AXIN1: variants seen among roughly 807,000 people sequenced by gnomAD.
The protein encoded by AXIN1 is axin-1.
A neutral mutation model predicts 76.4 loss-of-function variants in AXIN1; 30 were observed. The observed-to-expected ratio is 0.39, with a 90% CI of 0.29 to 0.53. AXIN1 has a LOEUF of 0.53. AXIN1 is among the 20% of genes least tolerant of loss of function. The probability of loss-of-function intolerance (pLI) is 0.66; values close to 1 mark genes in which losing one functional copy is unlikely to be tolerated. For missense variants in AXIN1, 1,140 were observed against 1,198.8 expected, an observed-to-expected ratio of 0.95 and a Z score of 0.72; for synonymous variants, 545 against 501.4, an observed-to-expected ratio of 1.09 and a Z score of -1.16.
At chr16:338,106 C>A (rs2053844027) in intron 2 of AXIN1, among the ~76,000 whole-genome samples, 1 of 152,216 alleles carries the variant, frequency 6.6e-6, no homozygotes, top group Non-Finnish European at 1.5e-5. Flanking sequence ...TCCCTGACAG[C>A]CACCATAGCC....
At chr16:324,820 C>T (rs1303946684) in intron 2 of AXIN1, among the ~76,000 whole-genome samples, 1 of 152,214 alleles carries the variant, frequency 6.6e-6, no homozygotes, top group Non-Finnish European at 1.5e-5. Flanking sequence ...CAGCTTCCGG[C>T]AGCCGCAGGC....
At chr16:337,804 T>C (rs1022577137) in intron 2 of AXIN1, among the ~76,000 whole-genome samples, 6 of 152,200 alleles carry the variant, frequency 3.9e-5, no homozygotes, top group Non-Finnish European at 7.3e-5. Flanking sequence ...AGAAGGGGCA[T>C]GGAATCTGGG....
At chr16:298,357 G>T in intron 5 of AXIN1, 106 bp from the exon 6 acceptor site, 1 of 1,482,126 alleles carries the variant, frequency 6.7e-7, no homozygotes, top group Non-Finnish European at 9.1e-7. Flanking sequence ...TGCCGTCCCA[G>T]CCCAGGGTGG....
At chr16:339,464 T>C (rs1342273977) in intron 2 of AXIN1, among the ~76,000 whole-genome samples, 3 of 148,692 alleles carry the variant, frequency 2.0e-5, no homozygotes, top group Non-Finnish European at 4.4e-5. Flanking sequence ...TGAGCCAAGA[T>C]TGTGCCACTG....
intron 2 of AXIN1, among the ~76,000 whole-genome samples, chr16:341,057 C>T (rs2053908043): frequency 2.6e-5 from 4 of 152,248 alleles, no homozygotes; most frequent in Admixed American, 2.0e-4. Flanking sequence ...CCTCCTGGCA[C>T]GTTCCTCCAC....
chr16:291,611 G>A (rs964070910), intron 8 of AXIN1: 1 of 462,206 alleles, frequency 2.2e-6, no homozygotes, highest in Non-Finnish European at 4.0e-6. Flanking sequence ...CTGGTGGGAT[G>A]ACATCTCGTC....
chr16:292,301 G>A (rs1422342750), intron 8 of AXIN1: 1 of 152,314 alleles, frequency 6.6e-6, no homozygotes, highest in Non-Finnish European at 1.5e-5. Flanking sequence ...CGATCACAGG[G>A]TCACAGATGT....
chr16:310,525 T>C (rs1221864007), intron 3 of AXIN1, among the ~76,000 whole-genome samples: 3 of 152,136 alleles, frequency 2.0e-5, no homozygotes, highest in African/African-American at 4.8e-5. Context: ...GCCTCCTGAG[T>C]AGCTGGGACT....
At chr16:333,726 C>G (rs919623333) in intron 2 of AXIN1, among the ~76,000 whole-genome samples, 1 of 152,006 alleles carries the variant, frequency 6.6e-6, no homozygotes, top group African/African-American at 2.4e-5. Flanking sequence ...AAATTCTAAA[C>G]CCAACTCATC....
At position 291,250 on chromosome 16, in the gene AXIN1, G is replaced by A. The variant is rs371459615; in HGVS notation, c.2234C>T (p.Ala745Val). ...TACCACGTGCAGCACCGGCGCGCAC[G>A]CTGGCCTGACGCAGGCGCGTCCCCG... ...MRRGRACVRPACAPVLHVVPA... is the reference protein window; with the variant it reads ...MRRGRACVRPVCAPVLHVVPA... The change falls in exon 9 of 11, where the codon GCG (alanine) becomes GTG (valine). Residue 745 changes from alanine to valine, a missense_variant. Transcript: ENST00000262320. 199 of 1,585,914 alleles carry A rather than the reference G, an allele frequency of 1.3e-4. No homozygotes were observed. Among genetic ancestry groups the A allele is most frequent in the Non-Finnish European group, 1.6e-4 (188 of 1,167,304 alleles).
At chr16:326,372 AATATATAT>A (rs67811547) in intron 2 of AXIN1, among the ~76,000 whole-genome samples, 50 of 86,468 alleles carry the variant, frequency 5.8e-4, no homozygotes, top group East Asian at 1.8e-3. Context: ...AAAAAAAAAA[AATATATAT>A]ATATATATAT....
rs949799281 is a variant in AXIN1, at chr16:291,392, G to A, written c.2187-95C>T. The A allele has an allele frequency of 3.7e-6, 4 of 1,092,684 alleles. No homozygotes were observed. The African/African-American group carries it at 6.2e-5, about 17-fold the overall frequency. 67.7% of individuals were successfully genotyped at this position (1,092,684 alleles called of 1,614,324 possible). A position where few individuals can be genotyped will look rare whatever the true frequency, so the allele number is the denominator to read the frequency against. On this transcript the variant is annotated intron_variant, in intron 8 of 10. Transcript: ENST00000262320. ...ATGCTGCTGCGCAGGGACGGACGGA[G>A]CGTGAAGGGCCCGAACAACCCACCC...
chr16:330,872 CA>C (rs2053678191), intron 2 of AXIN1, among the ~76,000 whole-genome samples: 1 of 152,222 alleles, frequency 6.6e-6, no homozygotes, highest in South Asian at 2.1e-4. Flanking sequence ...TATGCTGCAA[CA>C]AACATTTGGA....
Position 309,941 on chromosome 16 carries a change from G to A in AXIN1, c.1116+32C>T, listed in dbSNP as rs755376498. The A allele has an allele frequency of 2.0e-5, 32 of 1,605,824 alleles. No homozygotes were observed. The Admixed American group carries it at 2.3e-4, about 12-fold the overall frequency. On this transcript the variant is annotated intron_variant, in intron 4 of 10. Transcript: ENST00000262320. Reference sequence around the variant, plus strand: ...CAGGCCCACGCTGAGCGGGGAGGACGATGGGCTGAGGACCGCAAAGCCGGT... The same window carrying A: ...CAGGCCCACGCTGAGCGGGGAGGACAATGGGCTGAGGACCGCAAAGCCGGT...
At chr16:345,047 A>G (rs969472256) in intron 2 of AXIN1, among the ~76,000 whole-genome samples, 1 of 152,200 alleles carries the variant, frequency 6.6e-6, no homozygotes, top group African/African-American at 2.4e-5. Context: ...CTCTAGGGAA[A>G]GAGTGGGAAA....
chr16:290,916 T>C, intron 9 of AXIN1: 1 of 535,012 alleles, frequency 1.9e-6, no homozygotes. Flanking sequence ...CCGTGACACC[T>C]GTGTGGATGC....
Position 287,931 on chromosome 16 carries a change from G to A in AXIN1, c.*191C>T. The A allele has an allele frequency of 1.1e-6, 1 of 905,534 alleles. No homozygotes were observed. Among genetic ancestry groups the A allele is most frequent in the Non-Finnish European group, 1.7e-6 (1 of 574,360 alleles). 56.1% of individuals were successfully genotyped at this position (905,534 alleles called of 1,614,324 possible). On this transcript the variant is annotated 3_prime_UTR_variant, in exon 11 of 11. Transcript: ENST00000262320. ...GAGTGGTCCAGGCTGCCTCCTTGGG[G>A]GCAGGACAGAAGCTTGTGGACCACT...
intron 2 of AXIN1, among the ~76,000 whole-genome samples, chr16:329,835 G>A (rs1216008496): frequency 6.8e-6 from 1 of 146,092 alleles, no homozygotes; most frequent in Non-Finnish European, 1.5e-5. Context: ...GGGTTTCACT[G>A]TATTAGCCAG....
At chr16:333,101 G>C (rs903197027) in intron 2 of AXIN1, among the ~76,000 whole-genome samples, 1 of 152,136 alleles carries the variant, frequency 6.6e-6, no homozygotes, top group African/African-American at 2.4e-5. Flanking sequence ...TGGAGGCCGA[G>C]GCAGGCGGAT....
Sources: allele counts gnomAD v4.1 joint callset (sites outside exome capture counted in the v4.1 genomes callset), GRCh38; gene constraint gnomAD v4.1.1; transcripts MANE v1.5; gene names NCBI Gene and HGNC (gene_info 2026-07-23, HGNC 2026-07-21).